The following ZFYVE28 variants were observed in gnomAD, a reference collection of about 807,000 sequenced individuals.
ZFYVE28 encodes the protein zinc finger FYVE-type containing 28.
ZFYVE28 carries 40 observed loss-of-function variants against 82.1 expected under a neutral mutation model. The observed-to-expected ratio is 0.49, with a 90% CI of 0.38 to 0.63. The LOEUF is 0.63. Among genes scored for constraint, ZFYVE28 ranks in the 30% least tolerant of loss-of-function variants. The pLI, the probability that ZFYVE28 is intolerant of heterozygous loss-of-function variation, is 0.00. For missense variants in ZFYVE28, 1,321 were observed against 1,242.1 expected (o/e 1.06, Z -0.96); for synonymous variants, 612 against 546.1 (o/e 1.12, Z -1.68).
At chr4:2,399,076 A>AGGCGGGGAGGTGAGATCCAGGGCACT in intron 1 of ZFYVE28, among the ~76,000 whole-genome samples, 1 of 145,330 alleles carries the variant, frequency 6.9e-6, no homozygotes. Flanking sequence ...TCCAGGGCAC[A>AGGCGGGGAGGTGAGATCCAGGGCACT]AGCGTGAAGG....
At position 2,396,075 on chromosome 4, in the gene ZFYVE28, GC is replaced by G. The variant is rs1172579461; in HGVS notation, c.39+22209del. ...AGCTATCCTGCAGAGGGGACCCAAG[GC>G]GGGGGTGTCTGAGCTGATGGGACCA... On this transcript the variant is annotated intron_variant, in intron 1 of 12. Transcript: ENST00000290974. 6.2e-5 allele frequency among the ~76,000 whole-genome samples: 9 copies of G among 145,450 alleles called. No homozygotes were observed. The East Asian group carries it at 1.9e-3, about 30-fold the overall frequency.
intron 1 of ZFYVE28, among the ~76,000 whole-genome samples, chr4:2,365,891 G>A (rs1276748165): frequency 6.6e-6 from 1 of 152,214 alleles, no homozygotes; most frequent in Non-Finnish European, 1.5e-5. Context: ...CAGACACTGG[G>A]GACTGGGGGC....
intron 8 of ZFYVE28, among the ~76,000 whole-genome samples, chr4:2,276,658 A>G (rs1560127675): frequency 6.6e-6 from 1 of 152,224 alleles, no homozygotes; most frequent in Non-Finnish European, 1.5e-5. Flanking sequence ...TCTAGGCTAC[A>G]GCCACGGATG....
intron 9 of ZFYVE28, 46 bp downstream of exon 9, chr4:2,274,016 C>G (rs1186180109): frequency 6.2e-7 from 1 of 1,602,464 alleles, no homozygotes; most frequent in African/African-American, 1.3e-5. Flanking sequence ...AAGCGCAGCC[C>G]GTGTGTCCTC....
chr4:2,365,247 G>A (rs904080384), intron 1 of ZFYVE28, among the ~76,000 whole-genome samples: 7 of 152,056 alleles, frequency 4.6e-5, no homozygotes, highest in African/African-American at 1.7e-4. Context: ...GCAGTGCGCG[G>A]AGGCCACAGG....
chr4:2,279,843 C>T (rs910804166), intron 8 of ZFYVE28, among the ~76,000 whole-genome samples: 1 of 151,252 alleles, frequency 6.6e-6, no homozygotes. Context: ...CTAGAACAGG[C>T]GAAACCCATA....
At chr4:2,368,348 G>A (rs1727141084) in intron 1 of ZFYVE28, among the ~76,000 whole-genome samples, 1 of 152,146 alleles carries the variant, frequency 6.6e-6, no homozygotes, top group Admixed American at 6.5e-5. Flanking sequence ...GTTAGAGTGA[G>A]CTGAGATCAT....
intron 1 of ZFYVE28, among the ~76,000 whole-genome samples, chr4:2,395,846 G>A (rs941990277): frequency 5.3e-5 from 8 of 152,126 alleles, no homozygotes; most frequent in African/African-American, 1.7e-4. Context: ...GATTAGGGCT[G>A]GGCTCTTTCT....
rs1257427847 is a variant in ZFYVE28, at chr4:2,341,735, G to A, written c.181-120C>T. On this transcript the variant is annotated intron_variant, in intron 2 of 12. Transcript: ENST00000290974. The surrounding 1 kb of genome is among the most constrained non-coding windows in gnomAD (Gnocchi z 4.5). ...TTTTTAGGATTATTAAAGTGATAGA[G>A]GAGGCTAGGCACGGTGGCTCATGCC... 7.0e-7 allele frequency: 1 copy of A among 1,424,932 alleles called. No homozygotes were observed. Among genetic ancestry groups the A allele is most frequent in the African/African-American group, 1.4e-5 (1 of 70,802 alleles). The allele number at this position is 1,424,932 out of a possible 1,614,324, so 88.3% of individuals were successfully genotyped here. A position where few individuals can be genotyped will look rare whatever the true frequency, so the allele number is the denominator to read the frequency against.
Position 2,398,993 on chromosome 4 carries a change from T to A in ZFYVE28, c.39+19292A>T, listed in dbSNP as rs59207727. ...CAGTGCACAAGGTCAGTGGCGAGAT[T>A]GAGGGCACAAGGAGGGGCGAGATCT... On this transcript the variant is annotated intron_variant, in intron 1 of 12. Transcript: ENST00000290974. Among the ~76,000 whole-genome samples the A allele has an allele frequency of 3.3e-3, 289 of 86,338 alleles. 7 individuals carry two copies. In the East Asian group the frequency reaches 0.093, roughly 28 times the overall value. 56.6% of individuals were successfully genotyped at this position (86,338 alleles called of 152,430 possible).
intron 8 of ZFYVE28, among the ~76,000 whole-genome samples, chr4:2,301,507 G>A (rs887551834): frequency 7.3e-6 from 1 of 136,114 alleles, no homozygotes; most frequent in Non-Finnish European, 1.7e-5. Context: ...CCTTTCCTCA[G>A]CTGAGCCTCA....
intron 1 of ZFYVE28, among the ~76,000 whole-genome samples, chr4:2,371,182 C>T (rs1204249415): frequency 6.6e-6 from 1 of 152,168 alleles, no homozygotes; most frequent in Non-Finnish European, 1.5e-5. Flanking sequence ...GATGGGGTGA[C>T]CACAGGAAAG....
intron 1 of ZFYVE28, among the ~76,000 whole-genome samples, chr4:2,375,275 GTCAT>G (rs1270584020): frequency 4.6e-5 from 7 of 152,172 alleles, no homozygotes; most frequent in Non-Finnish European, 1.0e-4. Flanking sequence ...TTATAATTAA[GTCAT>G]TCCAACTGAT....
At chr4:2,347,189 A>G (rs1723725269) in intron 2 of ZFYVE28, among the ~76,000 whole-genome samples, 1 of 152,254 alleles carries the variant, frequency 6.6e-6, no homozygotes, top group African/African-American at 2.4e-5. Flanking sequence ...GACCAAAAAA[A>G]GTCATTTTAT....
intron 1 of ZFYVE28, among the ~76,000 whole-genome samples, chr4:2,395,937 A>AC (rs372847253): frequency 2.0e-5 from 3 of 152,008 alleles, no homozygotes; most frequent in Admixed American, 6.5e-5. Context: ...GGCTAGCAGC[A>AC]CCCCCCACAC....
Position 2,417,155 on chromosome 4 carries a change from C to A in ZFYVE28, c.39+1130G>T, listed in dbSNP as rs1055493177. On this transcript the variant is annotated intron_variant, in intron 1 of 12. Transcript: ENST00000290974. The surrounding 1 kb of genome is among the most constrained non-coding windows in gnomAD (Gnocchi z 4.8). ...GGTGGCCTCGGACGTCCGAGCTGCC[C>A]GGACGAAGCGCTGGCCCCACTCCCG... Among the ~76,000 whole-genome samples the A allele has an allele frequency of 6.6e-6, 1 of 152,166 alleles. No individual in the cohort carries two copies. Among genetic ancestry groups the A allele is most frequent in the Non-Finnish European group, 1.5e-5 (1 of 68,010 alleles).
chr4:2,390,025 A>C (rs1356321099), intron 1 of ZFYVE28, among the ~76,000 whole-genome samples: 6 of 152,322 alleles, frequency 3.9e-5, no homozygotes, highest in Non-Finnish European at 7.4e-5. Context: ...GGAACTTGTG[A>C]ATGTGACCAT....
In ZFYVE28 at chr4:2,337,438, C is replaced by G; in HGVS notation, c.580G>C (p.Val194Leu). 4 of 1,610,378 alleles carry G rather than the reference C, an allele frequency of 2.5e-6. No homozygotes were observed. The highest frequency in any genetic ancestry group is 3.4e-6 in the Non-Finnish European group (4 of 1,178,142). ...ACCGTCTCGCAGAAGAGCACGATGA[C>G]CTCCTGCTGCACGTAGTACTCCCTG... ...SPREYYVQQE[V>L]IVLFCETVER... Residue 194 changes from valine (V) to leucine (L), a missense_variant, in exon 5 of 13, where the codon GTC (valine) becomes CTC (leucine). Around this residue, in one of 2 missense-constraint regions of ZFYVE28, gnomAD observed 343 missense variants for 408.4 expected, o/e 0.84. Transcript: ENST00000290974.
intron 8 of ZFYVE28, among the ~76,000 whole-genome samples, chr4:2,283,577 C>CCCATCCATCCAT (rs564572115): frequency 0.017 from 2,434 of 147,132 alleles, 29 homozygotes; most frequent in Non-Finnish European, 0.019. Context: ...CGTCCATCCA[C>CCCATCCATCCAT]CCATCCATCC....
Sources: gnomAD v4.1 joint callset for allele counts (sites outside exome capture counted in the v4.1 genomes callset) on GRCh38, gnomAD v4.1.1 for gene constraint, gnomAD v4.1.1 regional missense constraint, Gnocchi (gnomAD v3.1) non-coding constraint, MANE v1.5 for transcripts, NCBI Gene and HGNC (gene_info 2026-07-23, HGNC 2026-07-21) for gene names.